Variants in ANO4 observed in about 807,000 individuals in gnomAD.
ANO4 encodes anoctamin-4.
In ANO4, 69 loss-of-function variants were observed where a neutral mutation model predicts 141.9. That is an observed-to-expected ratio of 0.49 (90% confidence interval 0.40 to 0.59). The LOEUF (loss-of-function observed/expected upper bound fraction) is 0.59. ANO4 is among the 20% of genes least tolerant of loss of function. The pLI is 0.00. For missense variants in ANO4, 894 were observed against 1,162.2 expected (o/e 0.77, Z 3.36); for synonymous variants, 350 against 394.3 (o/e 0.89, Z 1.33).
intron 22 of ANO4, among the ~76,000 whole-genome samples, chr12:101,103,990 GTTCAT>G (rs894973550): frequency 2.6e-5 from 4 of 151,766 alleles, no homozygotes; most frequent in African/African-American, 4.8e-5. Flanking sequence ...CAAGAAACTT[GTTCAT>G]TTCATCTAAA....
intron 17 of ANO4, among the ~76,000 whole-genome samples, chr12:101,090,151 G>T (rs1208355934): frequency 6.6e-6 from 1 of 152,182 alleles, no homozygotes; most frequent in Non-Finnish European, 1.5e-5. Flanking sequence ...CTGTTGATGG[G>T]ACTGTAAACT....
At chr12:101,016,613 G>A (rs185097321) in intron 8 of ANO4, among the ~76,000 whole-genome samples, 2 of 152,306 alleles carry the variant, frequency 1.3e-5, no homozygotes, top group Admixed American at 6.5e-5. Flanking sequence ...CCAACTTTAA[G>A]TGTTTATCAT....
intron 9 of ANO4, among the ~76,000 whole-genome samples, chr12:101,025,479 G>A (rs1468388922): frequency 1.3e-5 from 2 of 152,322 alleles, no homozygotes; most frequent in South Asian, 2.1e-4. Context: ...GCAGAGAACT[G>A]CACAGGGCTA....
intron 1 of ANO4, among the ~76,000 whole-genome samples, chr12:100,849,641 T>C (rs562440613): frequency 4.6e-5 from 7 of 152,348 alleles, no homozygotes; most frequent in South Asian, 2.1e-4. Context: ...ATTTTACTAG[T>C]CCATTATTGA....
chr12:100,778,414 A>G (rs1043720665), intron 3 of ANO4, among the ~76,000 whole-genome samples: 18 of 152,164 alleles, frequency 1.2e-4, no homozygotes, highest in Admixed American at 1.3e-4. Flanking sequence ...TAAAAACTAA[A>G]TATTATGGCA....
intron 2 of ANO4, among the ~76,000 whole-genome samples, chr12:100,913,701 T>C (rs2041213499): frequency 6.6e-6 from 1 of 152,218 alleles, no homozygotes; most frequent in African/African-American, 2.4e-5. Context: ...CTCAGGATTA[T>C]ACAACTATAA....
intron 1 of ANO4, among the ~76,000 whole-genome samples, chr12:100,832,804 T>C (rs2036697743): frequency 6.6e-6 from 1 of 152,090 alleles, no homozygotes; most frequent in Non-Finnish European, 1.5e-5. Flanking sequence ...CTACATATGG[T>C]CTTAAAGATA....
chr12:100,851,055 A>G (rs1037521829), intron 1 of ANO4, among the ~76,000 whole-genome samples: 3 of 152,138 alleles, frequency 2.0e-5, no homozygotes, highest in Non-Finnish European at 4.4e-5. Context: ...ATGTTAGTCT[A>G]TGACTATCTT....
chr12:100,947,395 G>A (rs2042771080), intron 5 of ANO4, among the ~76,000 whole-genome samples: 1 of 152,120 alleles, frequency 6.6e-6, no homozygotes, highest in Non-Finnish European at 1.5e-5. Flanking sequence ...AGTGCTAAGG[G>A]TGTCCTGTCC....
chr12:101,089,093 A>G (rs1190804081), intron 17 of ANO4, among the ~76,000 whole-genome samples: 1 of 152,132 alleles, frequency 6.6e-6, no homozygotes, highest in African/African-American at 2.4e-5. Flanking sequence ...TCCAAAGGCC[A>G]ACTAATTTAA....
intron 1 of ANO4, among the ~76,000 whole-genome samples, chr12:100,882,816 C>T (rs1202668846): frequency 6.6e-6 from 1 of 152,076 alleles, no homozygotes; most frequent in Non-Finnish European, 1.5e-5. Context: ...CTCCCTTCCT[C>T]AGCCTCCTGA....
At chr12:100,784,075 G>C (rs1389110778) in intron 3 of ANO4, among the ~76,000 whole-genome samples, 1 of 152,152 alleles carries the variant, frequency 6.6e-6, no homozygotes, top group African/African-American at 2.4e-5. Context: ...GTTTTTCACT[G>C]TTGTATTTTG....
At chr12:100,742,522 AT>A (rs1416228031) in intron 3 of ANO4, among the ~76,000 whole-genome samples, 6 of 152,172 alleles carry the variant, frequency 3.9e-5, no homozygotes, top group African/African-American at 1.4e-4. Context: ...TTTGCCAGAC[AT>A]CCCTTCACAA....
chr12:100,840,467 C>T (rs1565924708), intron 1 of ANO4, among the ~76,000 whole-genome samples: 1 of 152,008 alleles, frequency 6.6e-6, no homozygotes, highest in African/African-American at 2.4e-5. Context: ...AACTGAGACA[C>T]AGAGAGAGTA....
intron 2 of ANO4, among the ~76,000 whole-genome samples, chr12:100,919,647 A>G (rs866998903): frequency 5.3e-5 from 8 of 151,302 alleles, no homozygotes; most frequent in Admixed American, 2.0e-4. Flanking sequence ...TAAGTGAGAC[A>G]TGACTGTACT....
At chr12:101,059,055 A>G (rs1473019077) in intron 14 of ANO4, among the ~76,000 whole-genome samples, 1 of 152,188 alleles carries the variant, frequency 6.6e-6, no homozygotes, top group African/African-American at 2.4e-5. Flanking sequence ...TAGTTTACTG[A>G]GAGTTTTTAG....
chr12:100,990,733 G>C (rs1458787957), intron 8 of ANO4, among the ~76,000 whole-genome samples: 1 of 152,170 alleles, frequency 6.6e-6, no homozygotes, highest in African/African-American at 2.4e-5. Flanking sequence ...TCCAGATTTG[G>C]AGGGAGGTTG....
At chr12:100,745,616 G>T (rs189160308) in intron 3 of ANO4, among the ~76,000 whole-genome samples, 53 of 152,238 alleles carry the variant, frequency 3.5e-4, no homozygotes, top group Non-Finnish European at 2.9e-5. Context: ...TCAGTACAGA[G>T]ATATATGAGA....
intron 3 of ANO4, among the ~76,000 whole-genome samples, chr12:100,935,553 A>T (rs2042252025): frequency 6.6e-6 from 1 of 152,212 alleles, no homozygotes; most frequent in Non-Finnish European, 1.5e-5. Flanking sequence ...TAGGAGAAGA[A>T]GTCTAAGGAA....
Sources: allele counts gnomAD v4.1 joint callset (sites outside exome capture counted in the v4.1 genomes callset), GRCh38; gene constraint gnomAD v4.1.1; transcripts MANE v1.5; gene names NCBI Gene and HGNC (gene_info 2026-07-23, HGNC 2026-07-21).